The following EPHA6 variants were observed in gnomAD, a reference collection of about 807,000 sequenced individuals.
EPHA6 encodes EPH receptor A6, also known as ephrin type-A receptor 6.
Under a neutral mutation model 112.0 loss-of-function variants are expected in EPHA6, and 50 were observed. That is an observed-to-expected ratio of 0.45 (90% CI 0.36 to 0.56). The LOEUF is 0.56. Ranked by LOEUF, EPHA6 falls within the 20% of genes least tolerant of loss-of-function variation. EPHA6 has a pLI of 0.00. For synonymous variants in EPHA6, 529 were observed against 490.7 expected (o/e 1.08, Z -1.03); for missense variants, 1,280 against 1,417.4 (o/e 0.90, Z 1.56).
At chr3:97,711,408 GATAT>G (rs199791129) in intron 14 of EPHA6, among the ~76,000 whole-genome samples, 1 of 146,940 alleles carries the variant, frequency 6.8e-6, no homozygotes, top group Admixed American at 6.8e-5. Flanking sequence ...GAACCATTAG[GATAT>G]ATATATATAT....
At chr3:97,011,190 A>G (rs984817176) in intron 3 of EPHA6, among the ~76,000 whole-genome samples, 2 of 152,282 alleles carry the variant, frequency 1.3e-5, no homozygotes, top group African/African-American at 4.8e-5. Context: ...CTCAGTCTGT[A>G]TAAGGGGATT....
chr3:97,148,718 A>G (rs149005479), intron 3 of EPHA6, among the ~76,000 whole-genome samples: 15 of 151,978 alleles, frequency 9.9e-5, no homozygotes, highest in African/African-American at 3.4e-4. Flanking sequence ...AGAAATTTAA[A>G]CTCACTTTTG....
chr3:97,072,383 A>C (rs1327058549), intron 3 of EPHA6, among the ~76,000 whole-genome samples: 2 of 152,060 alleles, frequency 1.3e-5, no homozygotes, highest in Admixed American at 6.6e-5. Flanking sequence ...ATAGACACAG[A>C]TCCATATTAC....
chr3:97,100,875 G>T (rs1430692188), intron 3 of EPHA6, among the ~76,000 whole-genome samples: 1 of 151,808 alleles, frequency 6.6e-6, no homozygotes, highest in Non-Finnish European at 1.5e-5. Context: ...TGAATATTGT[G>T]CTGGAGAAGG....
rs188214597 is a variant in EPHA6, at chr3:97,397,205, A to G, written c.1607-7945A>G. On this transcript the variant is annotated intron_variant, in intron 5 of 17. Transcript: ENST00000389672. Reference sequence around the variant, plus strand: ...ATCAGCCTCTGATCTTACAAACTCTAGATTTTATTTTCTTGCTTTTTTTTC... The same window carrying G: ...ATCAGCCTCTGATCTTACAAACTCTGGATTTTATTTTCTTGCTTTTTTTTC... Among the ~76,000 whole-genome samples the G allele has an allele frequency of 6.9e-4, 105 of 151,852 alleles. 1 individual carries two copies. Among genetic ancestry groups the G allele is most frequent in the African/African-American group, 2.5e-3 (102 of 41,526 alleles).
At chr3:97,458,133 G>A (rs1324866550) in intron 7 of EPHA6, among the ~76,000 whole-genome samples, 2 of 148,238 alleles carry the variant, frequency 1.3e-5, no homozygotes, top group African/African-American at 2.5e-5. Context: ...TTTTTCAAGG[G>A]AAACAGTAGT....
At chr3:97,100,273 A>G (rs1020757381) in intron 3 of EPHA6, among the ~76,000 whole-genome samples, 2 of 150,052 alleles carry the variant, frequency 1.3e-5, no homozygotes, top group Non-Finnish European at 3.0e-5. Context: ...ATATAGATAT[A>G]TGGAGCTTAA....
intron 6 of EPHA6, among the ~76,000 whole-genome samples, chr3:97,412,134 T>C (rs879363863): frequency 6.6e-6 from 1 of 152,040 alleles, no homozygotes; most frequent in Non-Finnish European, 1.5e-5. Context: ...ATTTATAGAC[T>C]GAAATAAAGG....
intron 2 of EPHA6, among the ~76,000 whole-genome samples, chr3:96,959,021 A>G (rs1445755591): frequency 6.6e-6 from 1 of 152,190 alleles, no homozygotes; most frequent in South Asian, 2.1e-4. Flanking sequence ...TCTTGAGTAT[A>G]TACCTAAGAA....
chr3:97,359,304 G>T (rs1277672599), intron 5 of EPHA6, among the ~76,000 whole-genome samples: 5 of 151,424 alleles, frequency 3.3e-5, no homozygotes, highest in African/African-American at 1.2e-4. Context: ...TCAAGTTCAT[G>T]GATTCTTCAT....
rs546019542 is a variant in EPHA6 at position 97,368,936 on chromosome 3, A to T, written c.1607-36214A>T. Among the ~76,000 whole-genome samples, 38 of 152,320 alleles carry T rather than the reference A, an allele frequency of 2.5e-4. No homozygotes were observed. In the South Asian group the frequency reaches 6.0e-3, roughly 24 times the overall value. ...TAAGGAAAATAACCTGGTTGCTATGACATATAGGTTGACCTGTTTTGTATG... is the reference window on the plus strand; with the variant it reads ...TAAGGAAAATAACCTGGTTGCTATGTCATATAGGTTGACCTGTTTTGTATG... On this transcript the variant is annotated intron_variant, in intron 5 of 17. Transcript: ENST00000389672.
intron 2 of EPHA6, among the ~76,000 whole-genome samples, chr3:96,869,253 T>C (rs2036501363): frequency 6.6e-6 from 1 of 151,868 alleles, no homozygotes; most frequent in South Asian, 2.1e-4. Context: ...TTATACAGAA[T>C]CACTAGGCCA....
intron 15 of EPHA6, among the ~76,000 whole-genome samples, chr3:97,724,334 A>G (rs1335052291): frequency 6.6e-6 from 1 of 152,162 alleles, no homozygotes; most frequent in Non-Finnish European, 1.5e-5. Flanking sequence ...GAAATGAGAA[A>G]AAAAGAGTAC....
chr3:96,902,098 G>A (rs565131632), intron 2 of EPHA6, among the ~76,000 whole-genome samples: 31 of 152,244 alleles, frequency 2.0e-4, no homozygotes, highest in African/African-American at 7.2e-4. Flanking sequence ...AGAAAGATAA[G>A]GGAAAGGTGA....
chr3:97,437,303 G>A (rs189395708), intron 6 of EPHA6, among the ~76,000 whole-genome samples: 21 of 151,966 alleles, frequency 1.4e-4, no homozygotes, highest in African/African-American at 3.4e-4. Flanking sequence ...TTTTCAATCC[G>A]CATCCCAAAA....
rs114613631 is a variant in EPHA6, at chr3:97,435,913, A to T, written c.1732-12655A>T. On this transcript the variant is annotated intron_variant, in intron 6 of 17. Coordinates refer to ENST00000389672, the MANE Select transcript of EPHA6 (RefSeq NM_001080448.3). ...TTTAAAACTATCTGCAGATATTTTCACATTCAAATGTTTAATTTTAAACAC... is the reference window on the plus strand; with the variant it reads ...TTTAAAACTATCTGCAGATATTTTCTCATTCAAATGTTTAATTTTAAACAC... Among the ~76,000 whole-genome samples, 679 of 152,318 alleles carry T rather than the reference A, an allele frequency of 4.5e-3. 5 individuals are homozygous for T. The highest frequency in any genetic ancestry group is 0.015 in the African/African-American group (638 of 41,578).
chr3:96,830,002 T>C (rs2033952444), intron 1 of EPHA6, among the ~76,000 whole-genome samples: 1 of 147,478 alleles, frequency 6.8e-6, no homozygotes, highest in African/African-American at 2.5e-5. Flanking sequence ...AATGGTATGC[T>C]ATTTGCTCCA....
At chr3:97,590,526 T>C (rs1049816705) in intron 11 of EPHA6, among the ~76,000 whole-genome samples, 7 of 152,190 alleles carry the variant, frequency 4.6e-5, no homozygotes, top group Admixed American at 2.6e-4. Context: ...GTGTAACATA[T>C]TAACATTATC....
In EPHA6 at chr3:97,571,483, G is replaced by C. The variant is rs145574353; in HGVS notation, c.2387-21129G>C. Among the ~76,000 whole-genome samples the C allele has an allele frequency of 1.6e-3, 248 of 152,266 alleles. 1 individual carries two copies. The highest frequency in any genetic ancestry group is 0.015 in the Admixed American group (228 of 15,290). ...AATTGATAGATTCTGAAGCTGTCTT[G>C]CAAGGAAGTTCTTGTACCCTTAGAA... On this transcript the variant is annotated intron_variant, in intron 11 of 17. Coordinates refer to ENST00000389672, the MANE Select transcript of EPHA6 (RefSeq NM_001080448.3).
Sources: gnomAD v4.1 joint callset for allele counts (sites outside exome capture counted in the v4.1 genomes callset) on GRCh38, gnomAD v4.1.1 for gene constraint, MANE v1.5 for transcripts, NCBI Gene and HGNC (gene_info 2026-07-23, HGNC 2026-07-21) for gene names.